The following TNKS2 variants were observed in gnomAD, a reference collection of about 807,000 sequenced individuals.
TNKS2 encodes the protein poly [ADP-ribose] polymerase tankyrase-2.
In TNKS2, 72 loss-of-function variants were observed where a neutral mutation model predicts 137.6. The observed-to-expected ratio is 0.52, with a 90% CI of 0.43 to 0.64. The LOEUF is 0.64. Among genes scored for constraint, TNKS2 ranks in the 30% least tolerant of loss-of-function variants. The pLI is 0.00. For missense variants in TNKS2, 1,049 were observed against 1,410.2 expected, an observed-to-expected ratio of 0.74 and a Z score of 4.10; for synonymous variants, 516 against 512.1, an observed-to-expected ratio of 1.01 and a Z score of -0.10.
intron 2 of TNKS2, 136 bp from the exon 3 acceptor site, chr10:91,816,998 C>A: frequency 1.8e-6 from 1 of 563,476 alleles, no homozygotes; most frequent in Non-Finnish European, 3.2e-6. Context: ...ATGTAACATT[C>A]CCATTCTGAC....
Position 91,863,511 on chromosome 10 carries a change from A to G in TNKS2, c.*512A>G, listed in dbSNP as rs1842906344. 1 of 152,616 alleles carries G rather than the reference A, an allele frequency of 6.6e-6. No individual in the cohort carries two copies. The highest frequency in any genetic ancestry group is 1.5e-5 in the Non-Finnish European group (1 of 68,048). The allele number at this position is 152,616 out of a possible 1,614,324, so 9.5% of individuals were successfully genotyped here. A position where few individuals can be genotyped will look rare whatever the true frequency, so the allele number is the denominator to read the frequency against. Reference sequence around the variant, plus strand: ...ATTTTTTCATATGTATTGTTCATCTATACTTCATCTTACATCGTCATGATT... The same window carrying G: ...ATTTTTTCATATGTATTGTTCATCTGTACTTCATCTTACATCGTCATGATT... On this transcript the variant is annotated 3_prime_UTR_variant, in exon 27 of 27. Transcript: ENST00000371627.
intron 1 of TNKS2, among the ~76,000 whole-genome samples, chr10:91,801,330 T>TAA (rs1844158688): frequency 6.6e-6 from 1 of 152,342 alleles, no homozygotes; most frequent in Non-Finnish European, 1.5e-5. Context: ...GTTTTTTTAT[T>TAA]ACTGAACTAG....
Position 91,840,034 on chromosome 10 carries a change from AAGT to A in TNKS2, c.1528-524_1528-522del, listed in dbSNP as rs1279961016. On this transcript the variant is annotated intron_variant, in intron 13 of 26. Transcript: ENST00000371627. ...AAAATTTACCCTTGAGCGTTAGAAAAAGTAGAATATAAAGGCATACGTGAGACC... is the reference window on the plus strand; with the variant it reads ...AAAATTTACCCTTGAGCGTTAGAAAAAGAATATAAAGGCATACGTGAGACC... 7.9e-5 allele frequency among the ~76,000 whole-genome samples: 12 copies of A among 152,258 alleles called. No homozygotes were observed. In the East Asian group the frequency reaches 2.3e-3, roughly 29 times the overall value.
chr10:91,828,357 C>T lies in TNKS2; in HGVS notation c.1055C>T (p.Ser352Phe), dbSNP rs1269706077. Residue 352 changes from serine (S) to phenylalanine (F), a missense_variant, in exon 9 of 27, where the codon TCT becomes TTT. Coordinates refer to ENST00000371627, the MANE Select transcript of TNKS2 (RefSeq NM_025235.4). The part of the protein sequence containing the change: ...ADVTRIKKHL[S>F]LEMVNFKHPQ... ...GTTACTCGAATCAAAAAACATCTCT[C>T]TCTGGAAATGGTGAATTTCAAGCAT... The T allele has an allele frequency of 6.2e-7, 1 of 1,608,936 alleles. No individual in the cohort carries two copies. The highest frequency in any genetic ancestry group is 8.5e-7 in the Non-Finnish European group (1 of 1,178,070).
At chr10:91,817,465 G>C (rs572185787) in intron 3 of TNKS2, among the ~76,000 whole-genome samples, 1 of 152,296 alleles carries the variant, frequency 6.6e-6, no homozygotes, top group Admixed American at 6.5e-5. Context: ...TATTGGGGGT[G>C]AGGGTGATAG....
chr10:91,813,753 C>G (rs1190897156), intron 2 of TNKS2, among the ~76,000 whole-genome samples: 7 of 152,086 alleles, frequency 4.6e-5, no homozygotes, highest in Non-Finnish European at 1.0e-4. Context: ...CCACGTAACT[C>G]CATTTCAAAA....
intron 21 of TNKS2, among the ~76,000 whole-genome samples, chr10:91,853,445 CT>C (rs902206632): frequency 2.0e-5 from 3 of 152,240 alleles, no homozygotes; most frequent in East Asian, 1.9e-4. Flanking sequence ...AGCCAATACT[CT>C]TTTTTTCCCC....
chr10:91,825,015 G>A (rs533760978), intron 7 of TNKS2, among the ~76,000 whole-genome samples: 6 of 152,112 alleles, frequency 3.9e-5, no homozygotes, highest in Non-Finnish European at 7.4e-5. Flanking sequence ...AATCATGGAT[G>A]CACTGTACTC....
intron 5 of TNKS2, 36 bp from the exon 6 acceptor site, chr10:91,819,903 T>G: frequency 6.9e-7 from 1 of 1,443,780 alleles, no homozygotes; most frequent in African/African-American, 1.4e-5. Context: ...TCAACCATTA[T>G]TTGAATTTCA....
In TNKS2 at chr10:91,798,538, C is replaced by A. The variant is rs1844042578; in HGVS notation, c.-153C>A. On this transcript the variant is annotated 5_prime_UTR_variant, in exon 1 of 27. Coordinates refer to ENST00000371627, the MANE Select transcript of TNKS2 (RefSeq NM_025235.4). ...AGCGAGGGGCGCGCGTGGGCGCGGCCATGGGACTGCGCCGGATCCGGTGAC... is the reference window on the plus strand; with the variant it reads ...AGCGAGGGGCGCGCGTGGGCGCGGCAATGGGACTGCGCCGGATCCGGTGAC... 2 of 919,010 alleles carry A rather than the reference C, an allele frequency of 2.2e-6. No homozygotes were observed. The highest frequency in any genetic ancestry group is 2.8e-6 in the Non-Finnish European group (2 of 715,276). 56.9% of individuals were successfully genotyped at this position (919,010 alleles called of 1,614,324 possible). A position where few individuals can be genotyped will look rare whatever the true frequency, so the allele number is the denominator to read the frequency against.
rs1294451805 is a variant in TNKS2 at position 91,865,456 on chromosome 10, T to G, written c.*2457T>G. 6.6e-6 allele frequency among the ~76,000 whole-genome samples: 1 copy of G among 152,216 alleles called. No homozygotes were observed. Among genetic ancestry groups the G allele is most frequent in the African/African-American group, 2.4e-5 (1 of 41,460 alleles). ...GAATATTGTAGCTGTACTTGCTCAT[T>G]AAAATGAAAGTAGCTGTGAGATGCT... is the stretch of plus-strand genomic sequence containing the variant. On this transcript the variant is annotated 3_prime_UTR_variant, in exon 27 of 27. Transcript: ENST00000371627.
chr10:91,821,329 G>A (rs1431170026), intron 6 of TNKS2, among the ~76,000 whole-genome samples: 1 of 152,068 alleles, frequency 6.6e-6, no homozygotes, highest in African/African-American at 2.4e-5. Context: ...ACCACGCCTG[G>A]CCTAGAACTC....
Position 91,843,503 on chromosome 10 carries a change from A to C in TNKS2, c.2059+1112A>C, listed in dbSNP as rs569422099. ...AAGGTACTGGGGTTAGGGCTTCAAC[A>C]TAAGAATTTTGCAGGGTACAATTCA... On this transcript the variant is annotated intron_variant, in intron 16 of 26. Transcript: ENST00000371627. 1.6e-4 allele frequency among the ~76,000 whole-genome samples: 25 copies of C among 152,332 alleles called. No homozygotes were observed. In the South Asian group the frequency reaches 5.2e-3, roughly 32 times the overall value.
At chr10:91,854,796 G>A (rs997153027) in intron 21 of TNKS2, among the ~76,000 whole-genome samples, 4 of 151,620 alleles carry the variant, frequency 2.6e-5, no homozygotes, top group Admixed American at 6.6e-5. Context: ...TCAGGTACCC[G>A]GGATGCTAAG....
chr10:91,815,150 A>G (rs1291958853), intron 2 of TNKS2, among the ~76,000 whole-genome samples: 5 of 152,218 alleles, frequency 3.3e-5, no homozygotes, highest in Non-Finnish European at 5.9e-5. Context: ...TTCCTGATGT[A>G]AAACAGGGAC....
intron 1 of TNKS2, among the ~76,000 whole-genome samples, chr10:91,812,084 C>G (rs117771560): frequency 6.6e-6 from 1 of 150,452 alleles, no homozygotes; most frequent in Non-Finnish European, 1.5e-5. Context: ...AAGAATAGAA[C>G]GGAGAAAATT....
intron 17 of TNKS2, 95 bp from the exon 18 acceptor site, chr10:91,845,657 A>T (rs969654306): frequency 1.9e-6 from 2 of 1,028,452 alleles, no homozygotes; most frequent in Non-Finnish European, 2.6e-6. Context: ...AATAAGTTTG[A>T]AAATGTGGAA....
At chr10:91,821,272 A>T (rs1487919678) in intron 6 of TNKS2, among the ~76,000 whole-genome samples, 4 of 151,638 alleles carry the variant, frequency 2.6e-5, no homozygotes, top group Admixed American at 2.0e-4. Flanking sequence ...ACCTCAGGTG[A>T]TCACCTGGCT....
chr10:91,825,370 T>C (rs901706669), intron 7 of TNKS2, among the ~76,000 whole-genome samples: 2 of 152,244 alleles, frequency 1.3e-5, no homozygotes, highest in Admixed American at 1.3e-4. Flanking sequence ...CCCAAAGTGC[T>C]GGAATTATAG....
Sources: allele counts gnomAD v4.1 joint callset (sites outside exome capture counted in the v4.1 genomes callset), GRCh38; gene constraint gnomAD v4.1.1; transcripts MANE v1.5; gene names NCBI Gene and HGNC (gene_info 2026-07-23, HGNC 2026-07-21).